Variants in STAU2 observed in about 807,000 individuals in gnomAD.
The protein encoded by STAU2 is double-stranded RNA-binding protein Staufen homolog 2.
In STAU2, 20 loss-of-function variants were observed where a neutral mutation model predicts 65.9. That is an observed-to-expected ratio of 0.30 (90% confidence interval 0.21 to 0.44). The LOEUF (loss-of-function observed/expected upper bound fraction) is 0.44. Among genes scored for constraint, STAU2 ranks in the 20% least tolerant of loss-of-function variants. The pLI, the probability that STAU2 is intolerant of heterozygous loss-of-function variation, is 1.00. For missense variants in STAU2, 558 were observed against 683.9 expected (o/e 0.82, Z 2.05); for synonymous variants, 232 against 233.9 (o/e 0.99, Z 0.07).
intron 12 of STAU2, among the ~76,000 whole-genome samples, chr8:73,582,235 T>C (rs1441204580): frequency 1.3e-5 from 2 of 152,144 alleles, no homozygotes; most frequent in African/African-American, 4.8e-5. Context: ...TTTCACTTAG[T>C]GACTTTAATA....
intron 10 of STAU2, among the ~76,000 whole-genome samples, chr8:73,601,431 T>A (rs1051113313): frequency 2.0e-5 from 3 of 152,190 alleles, no homozygotes; most frequent in Non-Finnish European, 2.9e-5. Flanking sequence ...ATCGGAGATT[T>A]TCTTTCGTTT....
rs34533172 is a variant in STAU2 at position 73,591,882 on chromosome 8, TAAAAAAAAAAAAAAAA to T, written c.1161+3268_1161+3283del. Among the ~76,000 whole-genome samples, 143 of 28,478 alleles carry T rather than the reference TAAAAAAAAAAAAAAAA, an allele frequency of 5.0e-3. 1 individual carries two copies. Among genetic ancestry groups the T allele is most frequent in the African/African-American group, 0.011 (98 of 8,752 alleles). 18.7% of individuals were successfully genotyped at this position (28,478 alleles called of 152,430 possible). A position where few individuals can be genotyped will look rare whatever the true frequency, so the allele number is the denominator to read the frequency against. ...ACCCATACAGCGTGTATCCCAGAGG[TAAAAAAAAAAAAAAAA>T]AAAAAAAAAAAAAAAACAAGAGAGA... On this transcript the variant is annotated intron_variant, in intron 11 of 14. Transcript: ENST00000524300.
At chr8:73,567,136 G>A (rs1808667688) in intron 12 of STAU2, among the ~76,000 whole-genome samples, 3 of 152,104 alleles carry the variant, frequency 2.0e-5, no homozygotes, top group South Asian at 2.1e-4. Flanking sequence ...GGAAAAAAGT[G>A]AAAATGCAAT....
chr8:73,542,572 T>C (rs1806611179), intron 13 of STAU2, among the ~76,000 whole-genome samples: 1 of 152,120 alleles, frequency 6.6e-6, no homozygotes, highest in Non-Finnish European at 1.5e-5. Context: ...GGAGATAATA[T>C]TTGTAATGCA....
chr8:73,636,518 G>GA (rs201097055), intron 6 of STAU2, among the ~76,000 whole-genome samples: 244 of 151,844 alleles, frequency 1.6e-3, no homozygotes, highest in Non-Finnish European at 2.4e-3. Flanking sequence ...ATTCTCAAGA[G>GA]AAAAAAAACT....
At chr8:73,578,021 G>A (rs879485720) in intron 12 of STAU2, among the ~76,000 whole-genome samples, 8 of 151,574 alleles carry the variant, frequency 5.3e-5, no homozygotes, top group East Asian at 1.9e-4. Flanking sequence ...TAGCATTTAC[G>A]TATATAAATC....
intron 12 of STAU2, among the ~76,000 whole-genome samples, chr8:73,578,846 A>G (rs1586048327): frequency 6.6e-6 from 1 of 152,218 alleles, no homozygotes; most frequent in East Asian, 1.9e-4. Context: ...GTCTCACTAC[A>G]AAGTGGTTTC....
intron 14 of STAU2, among the ~76,000 whole-genome samples, chr8:73,422,138 G>T (rs925347039): frequency 7.9e-5 from 12 of 152,098 alleles, no homozygotes; most frequent in Non-Finnish European, 1.8e-4. Flanking sequence ...GGCAATGTGT[G>T]CTGGTGTTTC....
At chr8:73,451,216 C>T (rs1818780936) in intron 13 of STAU2, among the ~76,000 whole-genome samples, 2 of 152,130 alleles carry the variant, frequency 1.3e-5, no homozygotes, top group Admixed American at 1.3e-4. Flanking sequence ...CTTGGCTCAT[C>T]CCACTTGAAC....
chr8:73,643,462 C>T (rs989600857), intron 6 of STAU2, among the ~76,000 whole-genome samples: 1 of 152,148 alleles, frequency 6.6e-6, no homozygotes, highest in Non-Finnish European at 1.5e-5. Flanking sequence ...CTCTGAAATG[C>T]CCAATGTCCA....
At position 73,599,770 on chromosome 8, in the gene STAU2, CT is replaced by C. The variant is rs751343976; in HGVS notation, c.1029+3955del. On this transcript the variant is annotated intron_variant, in intron 10 of 14. Transcript: ENST00000524300. Reference sequence around the variant, plus strand: ...ATTTGTGTTATTATTTCCAACAGTACTTTTTTTTTTTTTGAGACGGAGTCTC... The same window carrying C: ...ATTTGTGTTATTATTTCCAACAGTACTTTTTTTTTTTTGAGACGGAGTCTC... 6.5e-3 allele frequency among the ~76,000 whole-genome samples: 949 copies of C among 145,694 alleles called. 6 individuals carry two copies. The highest frequency in any genetic ancestry group is 9.1e-3 in the African/African-American group (367 of 40,120).
chr8:73,597,498 C>CAAAAAAAA (rs1259337727), intron 10 of STAU2, among the ~76,000 whole-genome samples: 5 of 115,644 alleles, frequency 4.3e-5, no homozygotes, highest in Admixed American at 8.5e-5. Flanking sequence ...ACTAAAAATA[C>CAAAAAAAA]AAAAATAAAA....
At chr8:73,737,898 TAAAA>T (rs78894120) in intron 3 of STAU2, among the ~76,000 whole-genome samples, 2 of 134,774 alleles carry the variant, frequency 1.5e-5, no homozygotes, top group African/African-American at 5.5e-5. Flanking sequence ...AAGTGAACTT[TAAAA>T]AAAAAAAAAA....
chr8:73,519,169 C>T (rs972122854), intron 13 of STAU2, among the ~76,000 whole-genome samples: 10 of 152,178 alleles, frequency 6.6e-5, no homozygotes, highest in African/African-American at 1.9e-4. Flanking sequence ...CAAGCAAAGC[C>T]GCTGAAGTTC....
At chr8:73,641,609 A>T (rs935140198) in intron 6 of STAU2, among the ~76,000 whole-genome samples, 2 of 152,198 alleles carry the variant, frequency 1.3e-5, no homozygotes, top group African/African-American at 2.4e-5. Flanking sequence ...AGTCTGAGAA[A>T]TGCTACACAT....
chr8:73,676,534 G>A (rs1290327170), intron 5 of STAU2, among the ~76,000 whole-genome samples: 2 of 152,056 alleles, frequency 1.3e-5, no homozygotes, highest in African/African-American at 2.4e-5. Context: ...CCAAAAAAGC[G>A]CTAACTATAA....
intron 13 of STAU2, among the ~76,000 whole-genome samples, chr8:73,521,844 T>C (rs963183864): frequency 6.6e-6 from 1 of 152,248 alleles, no homozygotes; most frequent in African/African-American, 2.4e-5. Flanking sequence ...AGAGCATTTG[T>C]AATATATGAA....
intron 6 of STAU2, among the ~76,000 whole-genome samples, chr8:73,619,199 T>C (rs2129905049): frequency 6.6e-6 from 1 of 152,210 alleles, no homozygotes; most frequent in Admixed American, 6.5e-5. Flanking sequence ...CACGATGTCC[T>C]TCCTGAAAGT....
At chr8:73,450,788 C>G (rs908054772) in intron 13 of STAU2, among the ~76,000 whole-genome samples, 1 of 152,146 alleles carries the variant, frequency 6.6e-6, no homozygotes, top group African/African-American at 2.4e-5. Flanking sequence ...AGGGATTTTG[C>G]CAAAGTCACA....
Sources: allele counts gnomAD v4.1 joint callset (sites outside exome capture counted in the v4.1 genomes callset), GRCh38; gene constraint gnomAD v4.1.1; transcripts MANE v1.5; gene names NCBI Gene and HGNC (gene_info 2026-07-23, HGNC 2026-07-21).